The following PTPRK variants were observed in gnomAD, a reference collection of about 807,000 sequenced individuals.
The protein encoded by PTPRK is receptor-type tyrosine-protein phosphatase kappa.
Under a neutral mutation model 178.0 loss-of-function variants are expected in PTPRK, and 75 were observed. The ratio of observed to expected loss-of-function variants is 0.42; its 90% CI spans 0.35 to 0.51. The LOEUF is 0.51. Among genes scored for constraint, PTPRK ranks in the 20% least tolerant of loss-of-function variants. The pLI, the probability that PTPRK is intolerant of heterozygous loss-of-function variation, is 0.02. For synonymous variants in PTPRK, 637 were observed against 620.6 expected (o/e 1.03, Z -0.39); for missense variants, 1,441 against 1,797.8 (o/e 0.80, Z 3.59).
intron 6 of PTPRK, 152 bp from the exon 7 acceptor site, chr6:128,184,877 A>C: frequency 2.4e-6 from 2 of 840,080 alleles, no homozygotes; most frequent in East Asian, 5.4e-5. Flanking sequence ...TGATCTGACA[A>C]CTGTACTTTT....
At chr6:128,501,695 T>C (rs1246719473) in intron 1 of PTPRK, among the ~76,000 whole-genome samples, 8 of 152,164 alleles carry the variant, frequency 5.3e-5, no homozygotes, top group East Asian at 1.9e-4. Flanking sequence ...TTTCTAACAC[T>C]GATAGAGATT....
At chr6:128,475,407 A>G (rs1851249628) in intron 1 of PTPRK, among the ~76,000 whole-genome samples, 1 of 152,112 alleles carries the variant, frequency 6.6e-6, no homozygotes, top group South Asian at 2.1e-4. Context: ...GAGAACAGCG[A>G]AAGATAGATT....
chr6:128,106,524 G>GA (rs756913777), intron 7 of PTPRK, among the ~76,000 whole-genome samples: 28 of 146,360 alleles, frequency 1.9e-4, no homozygotes, highest in Admixed American at 4.8e-4. Context: ...CAACTAACTT[G>GA]AAAAAAAAAA....
intron 6 of PTPRK, among the ~76,000 whole-genome samples, chr6:128,192,590 A>G (rs1479121804): frequency 6.6e-6 from 1 of 151,976 alleles, no homozygotes; most frequent in African/African-American, 2.4e-5. Context: ...GAGGCTGAGG[A>G]AGGCAAATCG....
intron 2 of PTPRK, among the ~76,000 whole-genome samples, chr6:128,324,685 A>G (rs554744701): frequency 6.6e-6 from 1 of 152,288 alleles, no homozygotes; most frequent in Admixed American, 6.5e-5. Context: ...GTGCTCTGGA[A>G]TAATAATGCA....
intron 5 of PTPRK, chr6:128,230,606 T>C (rs1367709311): frequency 6.6e-6 from 1 of 152,188 alleles, no homozygotes; most frequent in Non-Finnish European, 1.5e-5. Context: ...AATAATTTTG[T>C]AAATTTTAGA....
chr6:128,424,889 C>A (rs779340830), intron 1 of PTPRK, among the ~76,000 whole-genome samples: 3 of 151,974 alleles, frequency 2.0e-5, no homozygotes, highest in Non-Finnish European at 4.4e-5. Context: ...CATGTATCAG[C>A]CACATACAAC....
intron 2 of PTPRK, among the ~76,000 whole-genome samples, chr6:128,336,908 T>TA: frequency 6.6e-6 from 1 of 152,252 alleles, no homozygotes; most frequent in East Asian, 1.9e-4. Flanking sequence ...CAAGCACAAG[T>TA]AAGAATCATA....
At chr6:128,371,401 T>G (rs1046581483) in intron 2 of PTPRK, among the ~76,000 whole-genome samples, 3 of 152,218 alleles carry the variant, frequency 2.0e-5, no homozygotes, top group African/African-American at 7.2e-5. Flanking sequence ...TAAAAAGGTT[T>G]AATGCAATCT....
At chr6:128,197,834 T>C (rs905651900) in intron 6 of PTPRK, among the ~76,000 whole-genome samples, 4 of 152,126 alleles carry the variant, frequency 2.6e-5, no homozygotes, top group African/African-American at 9.7e-5. Context: ...AATTCTCTGA[T>C]AGCACTCGCA....
At chr6:128,425,438 A>G (rs1045459672) in intron 1 of PTPRK, among the ~76,000 whole-genome samples, 30 of 152,050 alleles carry the variant, frequency 2.0e-4, no homozygotes, top group African/African-American at 6.5e-4. Flanking sequence ...CCCAAAGGCT[A>G]ATGTATCATT....
chr6:128,139,697 A>T (rs1037193987), intron 7 of PTPRK, among the ~76,000 whole-genome samples: 1 of 151,992 alleles, frequency 6.6e-6, no homozygotes. Context: ...CTTCATTGCC[A>T]GTTTCTGATG....
chr6:128,319,299 T>C (rs942099466), intron 3 of PTPRK, among the ~76,000 whole-genome samples: 8 of 152,180 alleles, frequency 5.3e-5, no homozygotes, highest in Non-Finnish European at 7.3e-5. Context: ...TTTCAAGTTA[T>C]ATCTATGTAT....
chr6:128,445,094 G>A (rs2128402290), intron 1 of PTPRK, among the ~76,000 whole-genome samples: 2 of 150,836 alleles, frequency 1.3e-5, no homozygotes, highest in South Asian at 2.1e-4. Flanking sequence ...GCCAGGTGCG[G>A]TAGCTCATGC....
At chr6:128,277,621 G>A (rs1005725406) in intron 3 of PTPRK, among the ~76,000 whole-genome samples, 1 of 152,184 alleles carries the variant, frequency 6.6e-6, no homozygotes, top group African/African-American at 2.4e-5. Flanking sequence ...TCCATGTTGA[G>A]CTTTCATCTC....
intron 13 of PTPRK, among the ~76,000 whole-genome samples, chr6:128,060,887 T>C (rs1489810780): frequency 2.0e-5 from 3 of 152,190 alleles, no homozygotes; most frequent in Admixed American, 6.5e-5. Context: ...TAAATTTGTC[T>C]TAACTCACAT....
At chr6:128,319,791 A>G (rs1308600424) in intron 3 of PTPRK, among the ~76,000 whole-genome samples, 2 of 152,210 alleles carry the variant, frequency 1.3e-5, no homozygotes, top group African/African-American at 4.8e-5. Context: ...AAGAAAGCAC[A>G]TAAATATAGT....
intron 7 of PTPRK, among the ~76,000 whole-genome samples, chr6:128,093,976 T>C (rs1174726532): frequency 6.6e-6 from 1 of 151,990 alleles, no homozygotes; most frequent in African/African-American, 2.4e-5. Context: ...TCAAATGGAG[T>C]AGACATTTGT....
intron 13 of PTPRK, among the ~76,000 whole-genome samples, chr6:128,045,592 T>G (rs1429706932): frequency 1.3e-5 from 2 of 152,046 alleles, no homozygotes; most frequent in Non-Finnish European, 2.9e-5. Context: ...TCCACATTGT[T>G]TCTAAATTAT....
Sources: allele counts gnomAD v4.1 joint callset (sites outside exome capture counted in the v4.1 genomes callset), GRCh38; gene constraint gnomAD v4.1.1; transcripts MANE v1.5; gene names NCBI Gene and HGNC (gene_info 2026-07-23, HGNC 2026-07-21).